SV2A: variants seen among roughly 807,000 people sequenced by gnomAD.
SV2A encodes the protein synaptic vesicle glycoprotein 2A, also known as solute carrier family 22 member B1.
Under a neutral mutation model 78.0 loss-of-function variants are expected in SV2A, and 25 were observed. The ratio of observed to expected loss-of-function variants is 0.32; its 90% CI spans 0.23 to 0.45. SV2A has a LOEUF of 0.45. Among genes scored for constraint, SV2A ranks in the 20% least tolerant of loss-of-function variants. The pLI, the probability that SV2A is intolerant of heterozygous loss-of-function variation, is 1.00. For synonymous variants in SV2A, 355 were observed against 384.7 expected (o/e 0.92, Z 0.90); for missense variants, 752 against 971.5 (o/e 0.77, Z 3.00).
At chr1:149,909,670 A>T (rs983407463) in intron 6 of SV2A, 99 bp from the exon 7 acceptor site, 2 of 1,430,052 alleles carry the variant, frequency 1.4e-6, no homozygotes, top group African/African-American at 2.8e-5. Context: ...GGGAGGCAGG[A>T]GGTGGATATG....
At position 149,909,465 on chromosome 1, in the gene SV2A, C is replaced by T; in HGVS notation, c.1286G>A (p.Gly429Glu). ...RWGVRALSLG[G>E]QVWGNFLSCF... ...TACCACCCCGTCCACCATTACCTGC[C>T]CCCCTAGGCTCAAGGCCCGGACCCC... Residue 429 changes from glycine (G) to glutamate (E), a missense_variant, in exon 7 of 13, where the codon GGG (glycine) becomes GAG (glutamate). This residue lies in a region of SV2A where 136 missense variants were observed against 132.3 expected (regional missense o/e 1.03). Transcript: ENST00000369146. 4 of 1,613,330 alleles carry T rather than the reference C, an allele frequency of 2.5e-6. No homozygotes were observed. The highest frequency in any genetic ancestry group is 1.6e-4 in the Middle Eastern group (1 of 6,062).
In SV2A at chr1:149,908,151, C is replaced by T; in HGVS notation, c.1435G>A (p.Asp479Asn). 6.2e-7 allele frequency: 1 copy of T among 1,614,200 alleles called. No individual in the cohort carries two copies. Among genetic ancestry groups the T allele is most frequent in the Non-Finnish European group, 8.5e-7 (1 of 1,180,038 alleles). ...PDMIRHLQAV[D>N]YASRTKVFPG... The stretch of plus-strand genomic sequence containing the variant: ...AACACTTTGGTGCGGGATGCGTAGT[C>T]CACTGCCTGGAGATGGCGGATCATG... Residue 479 changes from aspartate (D) to asparagine (N), a missense_variant, in exon 9 of 13, where the codon GAC becomes AAC. By Grantham distance (23) the Asp-to-Asn change is conservative. Transcript: ENST00000369146.
At position 149,904,675 on chromosome 1, in the gene SV2A, G is replaced by A. The variant is rs1034528299; in HGVS notation, c.*339C>T. The A allele has an allele frequency of 8.0e-5, 19 of 237,968 alleles. No homozygotes were observed. The highest frequency in any genetic ancestry group is 1.4e-3 in the Middle Eastern group (1 of 736). 14.7% of individuals were successfully genotyped at this position (237,968 alleles called of 1,614,324 possible). A position where few individuals can be genotyped will look rare whatever the true frequency, so the allele number is the denominator to read the frequency against. On this transcript the variant is annotated 3_prime_UTR_variant, in exon 13 of 13. Transcript: ENST00000369146. ...CCTAGGCAGAGGGAATGATGGGGAA[G>A]GCAGGAAGCCTATTCTGGAACCCCT...
In SV2A at chr1:149,909,500, G is replaced by A. The variant is rs782404095; in HGVS notation, c.1251C>T (p.Tyr417=). Reference sequence around the variant, plus strand: ...TCAAGGCCCGGACCCCCCAGCGCTGGTACCAGGTCCCTGTGTCCGACTGGA... The same window carrying A: ...TCAAGGCCCGGACCCCCCAGCGCTGATACCAGGTCCCTGTGTCCGACTGGA... ...IEIQSDTGTW[Y]QRWGVRALSL... is the part of the protein sequence containing the mutation. Residue 417 remains tyrosine (Y), a synonymous_variant, in exon 7 of 13, where the codon TAC becomes TAT. Coordinates refer to ENST00000369146, the MANE Select transcript of SV2A (RefSeq NM_014849.5). 2 of 1,613,890 alleles carry A rather than the reference G, an allele frequency of 1.2e-6. No homozygotes were observed. The highest frequency in any genetic ancestry group is 1.7e-6 in the Non-Finnish European group (2 of 1,179,970).
Position 149,913,559 on chromosome 1 carries a change from A to G in SV2A, c.282T>C (p.Tyr94=). The G allele has an allele frequency of 1.2e-6, 2 of 1,613,036 alleles. No individual in the cohort carries two copies. Among genetic ancestry groups the G allele is most frequent in the Non-Finnish European group, 8.5e-7 (1 of 1,179,852 alleles). The change falls in exon 2 of 13, where the codon TAT becomes TAC. Residue 94 remains tyrosine, a synonymous_variant. Transcript: ENST00000369146. ...TEGHDEDDEI[Y]EGEYQGIPRA... ...GGGGAATGCCCTGATATTCCCCTTC[A>G]TAGATCTCATCATCCTCGTCATGGC...
rs587754212 is a variant in SV2A, at chr1:149,910,268, G to A, written c.1089+302C>T. 6.6e-6 allele frequency among the ~76,000 whole-genome samples: 1 copy of A among 152,190 alleles called. No individual in the cohort carries two copies. Among genetic ancestry groups the A allele is most frequent in the Non-Finnish European group, 1.5e-5 (1 of 68,032 alleles). On this transcript the variant is annotated intron_variant, in intron 5 of 12. Coordinates refer to ENST00000369146, the MANE Select transcript of SV2A (RefSeq NM_014849.5). This position sits in a 1 kb window ranked among gnomAD's most constrained non-coding sequence, Gnocchi z 4.2. ...CTGGGGTTAGGAGGGGAAGGTATAG[G>A]GGGTGGGAATGTCTCTTGAGCTGTA...
At position 149,913,098 on chromosome 1, in the gene SV2A, C is replaced by T. The variant is rs1226109884; in HGVS notation, c.622+121G>A. 5 of 1,320,912 alleles carry T rather than the reference C, an allele frequency of 3.8e-6. No individual in the cohort carries two copies. The African/African-American group carries it at 5.9e-5, about 16-fold the overall frequency. 81.8% of individuals were successfully genotyped at this position (1,320,912 alleles called of 1,614,324 possible). Reference sequence around the variant, plus strand: ...AGAGTGTGCAGAGGAACCCTGAGCCCTCTGGGAACATCTTGGGTGCAGGGT... The same window carrying T: ...AGAGTGTGCAGAGGAACCCTGAGCCTTCTGGGAACATCTTGGGTGCAGGGT... On this transcript the variant is annotated intron_variant, in intron 2 of 12. Transcript: ENST00000369146.
chr1:149,905,430 T>A (rs950097283), intron 12 of SV2A: 1 of 425,664 alleles, frequency 2.3e-6, no homozygotes, highest in Non-Finnish European at 4.1e-6. Flanking sequence ...GAGGAGTAGA[T>A]ACAAAAGCTA....
In SV2A at chr1:149,913,707, G is replaced by C. The variant is rs782071934; in HGVS notation, c.134C>G (p.Ser45Trp). The C allele has an allele frequency of 1.2e-6, 2 of 1,614,076 alleles. No homozygotes were observed. Among genetic ancestry groups the C allele is most frequent in the Non-Finnish European group, 1.7e-6 (2 of 1,180,014 alleles). ...DRVQDEYSRR[S>W]YSRFEEEDDD... ...ATCCTCCTCCTCAAAGCGGGAGTACGATCTTCGGGAATATTCGTCCTGGAC... is the reference window on the plus strand; with the variant it reads ...ATCCTCCTCCTCAAAGCGGGAGTACCATCTTCGGGAATATTCGTCCTGGAC... Residue 45 changes from serine (S) to tryptophan (W), a missense_variant, in exon 2 of 13, where the codon TCG becomes TGG. This residue lies in a region of SV2A where 291 missense variants were observed against 359.5 expected (regional missense o/e 0.81). Coordinates refer to ENST00000369146, the MANE Select transcript of SV2A (RefSeq NM_014849.5).
intron 10 of SV2A, among the ~76,000 whole-genome samples, 165 bp downstream of exon 10, chr1:149,907,535 G>A (rs587711184): frequency 1.8e-4 from 27 of 152,244 alleles, no homozygotes; most frequent in South Asian, 4.1e-4. Flanking sequence ...ACATCCATTA[G>A]ATTTTCAGAA....
intron 1 of SV2A, among the ~76,000 whole-genome samples, chr1:149,915,712 G>A (rs374426933): frequency 1.8e-4 from 28 of 152,250 alleles, no homozygotes; most frequent in African/African-American, 5.8e-4. Flanking sequence ...CGTAGGAGGC[G>A]GATGTAGAAT....
Position 149,913,420 on chromosome 1 carries a change from G to T in SV2A, c.421C>A (p.Arg141=), listed in dbSNP as rs147086816. ...GCCAGTTCTTCTCGTTCTTTCCGTCGTTGTGCCTCCCCCCGGCCCCCAGGG... is the reference window on the plus strand; with the variant it reads ...GCCAGTTCTTCTCGTTCTTTCCGTCTTTGTGCCTCCCCCCGGCCCCCAGGG... ...GPPGGRGEAQ[R]RKEREELAQQ... Residue 141 remains arginine (R), a synonymous_variant, in exon 2 of 13, where the codon CGA becomes AGA. Transcript: ENST00000369146. 3.7e-5 allele frequency: 59 copies of T among 1,613,898 alleles called. No homozygotes were observed. The highest frequency in any genetic ancestry group is 4.9e-5 in the Non-Finnish European group (58 of 1,180,014).
At chr1:149,909,355 T>C in intron 7 of SV2A, 75 bp from the exon 8 acceptor site, 1 of 1,568,542 alleles carries the variant, frequency 6.4e-7, no homozygotes, top group East Asian at 2.2e-5. Context: ...TTTTCTGCCC[T>C]CCCACCTCCC....
At chr1:149,906,552 G>T in intron 11 of SV2A, 98 bp downstream of exon 11, 2 of 1,313,150 alleles carry the variant, frequency 1.5e-6, no homozygotes, top group Non-Finnish European at 2.1e-6. Flanking sequence ...GGAACTCTCT[G>T]ACCAATCTCT....
In SV2A at chr1:149,905,119, C is replaced by T. The variant is rs145547359; in HGVS notation, c.2124G>A (p.Val708=). 2 of 1,612,666 alleles carry T rather than the reference C, an allele frequency of 1.2e-6. No individual in the cohort carries two copies. Among genetic ancestry groups the T allele is most frequent in the African/African-American group, 2.7e-5 (2 of 74,912 alleles). ...GGATGGGTGCAGCCTTGGTGATTCC[C>T]ACGAAGGATGTGAAGATGCTGATCC... ...VLGISIFTSF[V]GITKAAPILF... The change falls in exon 13 of 13, where the codon GTG becomes GTA. Residue 708 remains valine (V), a synonymous_variant. Transcript: ENST00000369146.
At chr1:149,905,801 G>T in intron 12 of SV2A, 79 bp downstream of exon 12, 1 of 1,559,570 alleles carries the variant, frequency 6.4e-7, no homozygotes, top group Non-Finnish European at 8.8e-7. Flanking sequence ...CCCTAAGGAT[G>T]CTCTTCCCAT....
intron 8 of SV2A, among the ~76,000 whole-genome samples, chr1:149,908,803 A>G (rs72708158): frequency 0.057 from 8,696 of 151,734 alleles, 278 homozygotes; most frequent in Non-Finnish European, 0.072. Context: ...ATGCCCGGCT[A>G]ATTTTTTGTA....
rs868964763 is a variant in SV2A, at chr1:149,909,887, C to T, written c.1093G>A (p.Gly365Arg). Residue 365 changes from glycine to arginine, a missense_variant, in exon 6 of 13, where the codon GGA (glycine) becomes AGA (arginine). Coordinates refer to ENST00000369146, the MANE Select transcript of SV2A (RefSeq NM_014849.5). The part of the protein sequence containing the change: ...PESPRFFLEN[G>R]KHDEAWMVLK... ...ACCATCCAGGCCTCATCATGCTTTC[C>T]ATTCTAGAGCCAAAGACACAATCCC... The T allele has an allele frequency of 1.2e-6, 2 of 1,614,038 alleles. No homozygotes were observed. The highest frequency in any genetic ancestry group is 1.7e-6 in the Non-Finnish European group (2 of 1,179,960).
rs782745503 is a variant in SV2A, at chr1:149,913,303, C to T, written c.538G>A (p.Gly180Ser). 1 of 1,614,162 alleles carries T rather than the reference C, an allele frequency of 6.2e-7. No homozygotes were observed. Among genetic ancestry groups the T allele is most frequent in the Non-Finnish European group, 8.5e-7 (1 of 1,180,028 alleles). The change falls in exon 2 of 13, where the codon GGT becomes AGT. Residue 180 changes from glycine (G) to serine (S), a missense_variant. Physicochemically the swap from Gly to Ser is moderately conservative, Grantham distance 56 (BLOSUM62 0). Coordinates refer to ENST00000369146, the MANE Select transcript of SV2A (RefSeq NM_014849.5). ...AAGCCCACCACAAAGACCTCCACAC[C>T]GTCAGCCATCAGCGCCAGACCAAGC... is the stretch of plus-strand genomic sequence containing the variant. ...FVLGLALMAD[G>S]VEVFVVGFVL...
Sources: allele counts gnomAD v4.1 joint callset (sites outside exome capture counted in the v4.1 genomes callset), GRCh38; gene constraint gnomAD v4.1.1; regional missense constraint gnomAD v4.1.1; non-coding constraint Gnocchi (gnomAD v3.1); transcripts MANE v1.5; gene names NCBI Gene and HGNC (gene_info 2026-07-23, HGNC 2026-07-21).